Variants in SUN2 observed in about 807,000 individuals in gnomAD.
SUN2 encodes the protein Sad1 and UNC84 domain containing 2.
A neutral mutation model predicts 100.0 loss-of-function variants in SUN2; 60 were observed. The observed-to-expected ratio is 0.60, with a 90% CI of 0.49 to 0.74. The LOEUF (loss-of-function observed/expected upper bound fraction) is 0.74, where lower values mean the gene tolerates loss of function less well. Ranked by LOEUF, SUN2 falls within the 30% of genes least tolerant of loss-of-function variation. The pLI is 0.00. For synonymous variants in SUN2, 367 were observed against 403.3 expected (o/e 0.91, Z 1.08); for missense variants, 834 against 954.6 (o/e 0.87, Z 1.66).
rs895688928 is a variant in SUN2 at position 38,740,493 on chromosome 22, A to G, written c.1191-61T>C. Reference sequence around the variant, plus strand: ...CTTTGGTGGGAGGTAAGGCCACACCAAAGATGAAAGAGGACCCCCTAGTGG... The same window carrying G: ...CTTTGGTGGGAGGTAAGGCCACACCGAAGATGAAAGAGGACCCCCTAGTGG... On this transcript the variant is annotated intron_variant, in intron 11 of 17. Transcript: ENST00000689035. The surrounding 1 kb of genome is among the most constrained non-coding windows in gnomAD (Gnocchi z 4.8). 2.1e-5 allele frequency: 30 copies of G among 1,402,490 alleles called. No individual in the cohort carries two copies. The highest frequency in any genetic ancestry group is 2.6e-5 in the Non-Finnish European group (28 of 1,070,848). 86.9% of individuals were successfully genotyped at this position (1,402,490 alleles called of 1,614,324 possible).
chr22:38,735,227 CA>C lies in SUN2; in HGVS notation c.*1039del, dbSNP rs534313035. On this transcript the variant is annotated 3_prime_UTR_variant, in exon 18 of 18. Coordinates refer to ENST00000689035, the MANE Select transcript of SUN2 (RefSeq NM_015374.3). ...CCCCCACCAACTGCCCCACAGAGAA[CA>C]AACCAGAAGGGCGACTACCTGAACA... 4.2e-5 allele frequency: 19 copies of C among 456,082 alleles called. No individual in the cohort carries two copies. The East Asian group carries it at 1.2e-3, about 28-fold the overall frequency. The allele number at this position is 456,082 out of a possible 1,614,324, so 28.3% of individuals were successfully genotyped here.
In SUN2 at chr22:38,755,454, G is replaced by A; in HGVS notation, c.-38+309C>T. 3.0e-6 allele frequency: 3 copies of A among 990,604 alleles called. No individual in the cohort carries two copies. The highest frequency in any genetic ancestry group is 3.6e-6 in the Non-Finnish European group (3 of 832,510). The allele number at this position is 990,604 out of a possible 1,614,324, so 61.4% of individuals were successfully genotyped here. A position where few individuals can be genotyped will look rare whatever the true frequency, so the allele number is the denominator to read the frequency against. ...AAACGGCCTGTCTGGCACAAAACCC[G>A]TAGGCGCTGCCCGGGGCCGGGTTGG... On this transcript the variant is annotated intron_variant, in intron 1 of 17. Transcript: ENST00000689035. This position sits in a 1 kb window ranked among gnomAD's most constrained non-coding sequence, Gnocchi z 5.7.
intron 4 of SUN2, 139 bp from the exon 5 acceptor site, chr22:38,750,459 G>A (rs1015645224): frequency 6.8e-7 from 1 of 1,480,052 alleles, no homozygotes; most frequent in Non-Finnish European, 9.1e-7. Context: ...GTGCAGTAAG[G>A]AATGAAATGG....
chr22:38,738,365 G>T lies in SUN2; in HGVS notation c.1948-100C>A. 3 of 1,186,186 alleles carry T rather than the reference G, an allele frequency of 2.5e-6. No homozygotes were observed. The highest frequency in any genetic ancestry group is 3.6e-6 in the Non-Finnish European group (3 of 824,880). 73.5% of individuals were successfully genotyped at this position (1,186,186 alleles called of 1,614,324 possible). A position where few individuals can be genotyped will look rare whatever the true frequency, so the allele number is the denominator to read the frequency against. On this transcript the variant is annotated intron_variant, in intron 16 of 17. Coordinates refer to ENST00000689035, the MANE Select transcript of SUN2 (RefSeq NM_015374.3). This position sits in a 1 kb window ranked among gnomAD's most constrained non-coding sequence, Gnocchi z 6.6. ...CTCCCACCCAGCAGGTCAGGCACCA[G>T]AGTGGCCTATGACAAGTCACTTCAC...
intron 6 of SUN2, among the ~76,000 whole-genome samples, chr22:38,749,323 C>G (rs1198696408): frequency 5.9e-5 from 9 of 152,112 alleles, no homozygotes. Flanking sequence ...CAGGCAGAGC[C>G]TCTTTGTGGC....
At chr22:38,745,032 G>C in intron 8 of SUN2, 2 of 471,198 alleles carry the variant, frequency 4.2e-6, no homozygotes, top group East Asian at 1.4e-4. Flanking sequence ...CTTGAATCTG[G>C]ATTTGGCTCT....
In SUN2 at chr22:38,755,268, A is replaced by G. The variant is rs2146121703; in HGVS notation, c.-38+495T>C. On this transcript the variant is annotated intron_variant, in intron 1 of 17. Coordinates refer to ENST00000689035, the MANE Select transcript of SUN2 (RefSeq NM_015374.3). This position sits in a 1 kb window ranked among gnomAD's most constrained non-coding sequence, Gnocchi z 5.7. The stretch of plus-strand genomic sequence containing the variant: ...CCCTCTGCCCTCATTCCCACAGGCC[A>G]AACCTGCAGAAATTGTCACCAAAGG... The G allele has an allele frequency of 2.2e-5, 25 of 1,135,088 alleles. No homozygotes were observed. In the South Asian group the frequency reaches 4.5e-4, roughly 20 times the overall value. 70.3% of individuals were successfully genotyped at this position (1,135,088 alleles called of 1,614,324 possible).
Position 38,740,245 on chromosome 22 carries a change from G to A in SUN2, c.1356+22C>T. 1 of 1,535,124 alleles carries A rather than the reference G, an allele frequency of 6.5e-7. No homozygotes were observed. The highest frequency in any genetic ancestry group is 8.8e-7 in the Non-Finnish European group (1 of 1,138,478). ...AAAGGAGGAGGAGAGGGACCAGCAGGGCCCTGGTGGTTCCCACTCACGTCG... is the reference window on the plus strand; with the variant it reads ...AAAGGAGGAGGAGAGGGACCAGCAGAGCCCTGGTGGTTCCCACTCACGTCG... On this transcript the variant is annotated intron_variant, in intron 12 of 17. Transcript: ENST00000689035. The surrounding 1 kb of genome is among the most constrained non-coding windows in gnomAD (Gnocchi z 4.8).
At chr22:38,741,416 G>T in intron 10 of SUN2, 78 bp downstream of exon 10, 1 of 1,441,682 alleles carries the variant, frequency 6.9e-7, no homozygotes. Flanking sequence ...CCTTTGGAAG[G>T]GCCGAGGGGT....
intron 1 of SUN2, among the ~76,000 whole-genome samples, chr22:38,754,478 G>T (rs1489443961): frequency 6.6e-6 from 1 of 152,202 alleles, no homozygotes; most frequent in Non-Finnish European, 1.5e-5. Flanking sequence ...CATCTTCCCA[G>T]GTCAGACGCC....
At position 38,751,051 on chromosome 22, in the gene SUN2, C is replaced by T. The variant is rs749337613; in HGVS notation, c.287-16G>A. Reference sequence around the variant, plus strand: ...AGGTCCTCACCTGTGCAGGGAAGAACCAGGGGCTCTTCTGGGCCTCCAAGA... The same window carrying T: ...AGGTCCTCACCTGTGCAGGGAAGAATCAGGGGCTCTTCTGGGCCTCCAAGA... On this transcript the variant is annotated splice_polypyrimidine_tract_variant and intron_variant, in intron 3 of 17. Coordinates refer to ENST00000689035, the MANE Select transcript of SUN2 (RefSeq NM_015374.3). The T allele has an allele frequency of 7.6e-5, 123 of 1,611,426 alleles. 1 individual carries two copies. Among genetic ancestry groups the T allele is most frequent in the Non-Finnish European group, 8.8e-5 (104 of 1,178,894 alleles).
Position 38,755,103 on chromosome 22 carries a change from C to T in SUN2, c.-38+660G>A. 5 of 969,900 alleles carry T rather than the reference C, an allele frequency of 5.2e-6. No homozygotes were observed. The highest frequency in any genetic ancestry group is 3.4e-5 in the Admixed American group (1 of 29,092). The allele number at this position is 969,900 out of a possible 1,614,324, so 60.1% of individuals were successfully genotyped here. On this transcript the variant is annotated intron_variant, in intron 1 of 17. Coordinates refer to ENST00000689035, the MANE Select transcript of SUN2 (RefSeq NM_015374.3). This position sits in a 1 kb window ranked among gnomAD's most constrained non-coding sequence, Gnocchi z 5.7. ...GCTGGGCGACTTCCTTTCTCAATTC[C>T]GCCCTTCCCCATCACAAACATCTCC...
Position 38,755,305 on chromosome 22 carries a change from GCTCT to G in SUN2, c.-38+454_-38+457del, listed in dbSNP as rs2092977226. The G allele has an allele frequency of 8.0e-6, 9 of 1,120,500 alleles. No individual in the cohort carries two copies. Among genetic ancestry groups the G allele is most frequent in the Non-Finnish European group, 9.9e-6 (9 of 907,908 alleles). The allele number at this position is 1,120,500 out of a possible 1,614,324, so 69.4% of individuals were successfully genotyped here. ...ATTGTCACCAAAGGCGCGCCTCCTG[GCTCT>G]CTAAGTCACACCGCGCCCCCCATTG... On this transcript the variant is annotated intron_variant, in intron 1 of 17. Coordinates refer to ENST00000689035, the MANE Select transcript of SUN2 (RefSeq NM_015374.3). This position sits in a 1 kb window ranked among gnomAD's most constrained non-coding sequence, Gnocchi z 5.7.
Position 38,755,779 on chromosome 22 carries a change from T to C in SUN2, c.-54A>G. 1.0e-6 allele frequency: 1 copy of C among 984,502 alleles called. No homozygotes were observed. The highest frequency in any genetic ancestry group is 1.2e-6 in the Non-Finnish European group (1 of 829,628). The allele number at this position is 984,502 out of a possible 1,614,324, so 61.0% of individuals were successfully genotyped here. ...CGCACTCACCTGCTGCCGCGGCGGC[T>C]TCTAGCCCGGCCGGGGGCGTCCGAG... is the stretch of plus-strand genomic sequence containing the variant. On this transcript the variant is annotated 5_prime_UTR_variant, in exon 1 of 18. Transcript: ENST00000689035. The surrounding 1 kb of genome is among the most constrained non-coding windows in gnomAD (Gnocchi z 5.7).
chr22:38,754,561 G>T, intron 1 of SUN2: 1 of 1,084,066 alleles, frequency 9.2e-7, no homozygotes, highest in Non-Finnish European at 1.2e-6. Context: ...GCAGGAAGTT[G>T]GCCTGGGTCC....
At chr22:38,742,154 AAAAAAAG>A in intron 9 of SUN2, 140 bp downstream of exon 9, 2 of 1,108,974 alleles carry the variant, frequency 1.8e-6, no homozygotes, top group South Asian at 3.5e-5. Context: ...AAAAGAAAAA[AAAAAAAG>A]AAAAAAAGAG....
At position 38,751,198 on chromosome 22, in the gene SUN2, C is replaced by T; in HGVS notation, c.286+12G>A. On this transcript the variant is annotated intron_variant, in intron 3 of 17. Coordinates refer to ENST00000689035, the MANE Select transcript of SUN2 (RefSeq NM_015374.3). ...GGAAGCAAAGCCCCGGGACGGAGGG[C>T]TCCACACTCACCCCAGTTGGCGTCA... 2 of 1,610,412 alleles carry T rather than the reference C, an allele frequency of 1.2e-6. No homozygotes were observed. The highest frequency in any genetic ancestry group is 1.7e-6 in the Non-Finnish European group (2 of 1,177,026).
rs928226867 is a variant in SUN2, at chr22:38,755,731, C to T, written c.-38+32G>A. ...CCGGGGTCAGGCCGGGCCGCGGCCC[C>T]CCAACCCTCTCCTGAGCTCGCCCGC... On this transcript the variant is annotated intron_variant, in intron 1 of 17. Transcript: ENST00000689035. This position sits in a 1 kb window ranked among gnomAD's most constrained non-coding sequence, Gnocchi z 5.7. 33 of 985,100 alleles carry T rather than the reference C, an allele frequency of 3.3e-5. No individual in the cohort carries two copies. In the African/African-American group the frequency reaches 5.6e-4, roughly 17 times the overall value. 61.0% of individuals were successfully genotyped at this position (985,100 alleles called of 1,614,324 possible). A position where few individuals can be genotyped will look rare whatever the true frequency, so the allele number is the denominator to read the frequency against.
chr22:38,750,222 C>T lies in SUN2; in HGVS notation c.520+3G>A, dbSNP rs1172909392. ...AAGTAACTGGGCACGGGTTGCAGCC[C>T]ACCTGGCGAAGTGGCCACCATCCAG... On this transcript the variant is annotated splice_donor_region_variant and intron_variant, in intron 5 of 17. Transcript: ENST00000689035. 1 of 1,609,608 alleles carries T rather than the reference C, an allele frequency of 6.2e-7. No homozygotes were observed. The highest frequency in any genetic ancestry group is 8.5e-7 in the Non-Finnish European group (1 of 1,176,486).
Sources: allele counts gnomAD v4.1 joint callset (sites outside exome capture counted in the v4.1 genomes callset), GRCh38; gene constraint gnomAD v4.1.1; non-coding constraint Gnocchi (gnomAD v3.1); transcripts MANE v1.5; gene names NCBI Gene and HGNC (gene_info 2026-07-23, HGNC 2026-07-21).